Variants in TUSC3 observed in about 807,000 individuals in gnomAD.
The protein encoded by TUSC3 is dolichyl-diphosphooligosaccharide--protein glycosyltransferase subunit TUSC3.
In TUSC3, 45 loss-of-function variants were observed where a neutral mutation model predicts 44.8. That is an observed-to-expected ratio of 1.00 (90% CI 0.79 to 1.29). The LOEUF (loss-of-function observed/expected upper bound fraction) is 1.29. Among genes scored for constraint, TUSC3 ranks in the 50% most tolerant of loss-of-function variants. The pLI is 0.00. For missense variants in TUSC3, 519 were observed against 437.9 expected (o/e 1.19, Z -1.65); for synonymous variants, 212 against 152.9 (o/e 1.39, Z -2.85).
chr8:15,598,868 G>A (rs1804170593), intron 1 of TUSC3, among the ~76,000 whole-genome samples: 1 of 151,750 alleles, frequency 6.6e-6, no homozygotes, highest in Admixed American at 6.6e-5. Context: ...TTGCTTCTGA[G>A]TTTTGGTAAT....
At chr8:15,431,236 C>A (rs988773017) in intron 1 of TUSC3, among the ~76,000 whole-genome samples, 1 of 151,410 alleles carries the variant, frequency 6.6e-6, no homozygotes, top group Non-Finnish European at 1.5e-5. Context: ...TTTTTTAAGT[C>A]ATTAGAATTT....
In TUSC3 at chr8:15,757,984, G is replaced by A. The variant is rs1812002863; in HGVS notation, c.*46+129G>A. ...CAAATGTAAGATAACTTTTAACTGT[G>A]AGATTCCATATTCCAGTCTTACATT... On this transcript the variant is annotated intron_variant, in intron 10 of 10. Coordinates refer to ENST00000503731, the MANE Select transcript of TUSC3 (RefSeq NM_006765.4). The A allele has an allele frequency of 8.1e-6, 12 of 1,478,896 alleles. 1 individual carries two copies. In the South Asian group the frequency reaches 1.7e-4, roughly 21 times the overall value. The allele number at this position is 1,478,896 out of a possible 1,614,324, so 91.6% of individuals were successfully genotyped here.
chr8:15,645,748 C>A (rs973755288), intron 2 of TUSC3, among the ~76,000 whole-genome samples: 2 of 152,088 alleles, frequency 1.3e-5, no homozygotes, highest in African/African-American at 4.8e-5. Context: ...GTCATGAACA[C>A]TATTCCTTTG....
intron 1 of TUSC3, among the ~76,000 whole-genome samples, chr8:15,562,828 C>T (rs1563291114): frequency 6.6e-6 from 1 of 152,112 alleles, no homozygotes. Flanking sequence ...TTTTGTGACA[C>T]TTCTTTTAAA....
intron 5 of TUSC3, among the ~76,000 whole-genome samples, chr8:15,667,652 C>A (rs922004348): frequency 1.5e-4 from 22 of 151,694 alleles, no homozygotes; most frequent in African/African-American, 5.3e-4. Flanking sequence ...AAGATACCTT[C>A]AAATTAACTC....
intron 1 of TUSC3, among the ~76,000 whole-genome samples, chr8:15,429,486 G>GT (rs1799845751): frequency 6.6e-6 from 1 of 151,248 alleles, no homozygotes; most frequent in African/African-American, 2.5e-5. Flanking sequence ...CTTCAAAGTA[G>GT]TTTTTTCCAA....
At chr8:15,509,951 C>A in intron 2 of TUSC3, among the ~76,000 whole-genome samples, 1 of 152,146 alleles carries the variant, frequency 6.6e-6, no homozygotes, top group Non-Finnish European at 1.5e-5. Context: ...AGGAGTATTG[C>A]TTGGGGCCAA....
At chr8:15,648,570 CA>C (rs1231485318) in intron 2 of TUSC3, among the ~76,000 whole-genome samples, 2 of 150,972 alleles carry the variant, frequency 1.3e-5, no homozygotes, top group African/African-American at 2.4e-5. Context: ...ACTAAAAATA[CA>C]AAAAATTATC....
chr8:15,804,419 CTG>C, the TUSC3 span, among the ~76,000 whole-genome samples: 1 of 152,120 alleles, frequency 6.6e-6, no homozygotes, highest in South Asian at 2.1e-4. Flanking sequence ...GATGTCCTGA[CTG>C]GTGTTTTTTA....
chr8:15,539,328 A>G (rs1345504058), upstream of TUSC3, among the ~76,000 whole-genome samples: 1 of 144,518 alleles, frequency 6.9e-6, no homozygotes, highest in Non-Finnish European at 1.5e-5. Flanking sequence ...TTCAACATAC[A>G]GTCTGCTGCT....
the TUSC3 span, among the ~76,000 whole-genome samples, chr8:15,847,959 C>G: frequency 6.6e-6 from 1 of 152,170 alleles, no homozygotes; most frequent in Non-Finnish European, 1.5e-5. Context: ...ATATTAATTG[C>G]TGCATATAAA....
intron 1 of TUSC3, among the ~76,000 whole-genome samples, chr8:15,593,972 C>G (rs1356961716): frequency 6.6e-6 from 1 of 152,156 alleles, no homozygotes; most frequent in South Asian, 2.1e-4. Context: ...CCCTGTCACT[C>G]TTTCTGCATA....
At chr8:15,530,923 G>A (rs1348524894) in intron 2 of TUSC3, among the ~76,000 whole-genome samples, 1 of 152,138 alleles carries the variant, frequency 6.6e-6, no homozygotes, top group African/African-American at 2.4e-5. Context: ...AATCTTCTTG[G>A]CATGTGATGA....
intron 1 of TUSC3, among the ~76,000 whole-genome samples, chr8:15,462,561 G>T (rs1243900271): frequency 6.6e-6 from 1 of 151,958 alleles, no homozygotes; most frequent in African/African-American, 2.4e-5. Flanking sequence ...TTCAGAATTT[G>T]GGAAGCTTTC....
chr8:15,528,494 A>T (rs147775251), intron 2 of TUSC3, among the ~76,000 whole-genome samples: 4 of 152,352 alleles, frequency 2.6e-5, no homozygotes, highest in Non-Finnish European at 5.9e-5. Context: ...AACCATGAGA[A>T]CCACAACTTC....
intron 1 of TUSC3, among the ~76,000 whole-genome samples, chr8:15,575,173 T>A (rs913426804): frequency 9.9e-5 from 15 of 152,056 alleles, no homozygotes; most frequent in Non-Finnish European, 1.5e-5. Context: ...TTTTTTTGCA[T>A]ATAAACCTAT....
intron 6 of TUSC3, among the ~76,000 whole-genome samples, chr8:15,709,531 C>G (rs1467953700): frequency 1.3e-5 from 2 of 151,758 alleles, no homozygotes; most frequent in Non-Finnish European, 2.9e-5. Flanking sequence ...GAATTTAGCT[C>G]CAGATGAAGC....
At chr8:15,527,256 A>T (rs1354090961) in intron 2 of TUSC3, among the ~76,000 whole-genome samples, 2 of 152,142 alleles carry the variant, frequency 1.3e-5, no homozygotes, top group African/African-American at 4.8e-5. Flanking sequence ...TCACTCTGTC[A>T]CCCAGGCTGG....
the TUSC3 span, among the ~76,000 whole-genome samples, chr8:15,845,867 C>T: frequency 6.6e-6 from 1 of 152,060 alleles, no homozygotes; most frequent in Admixed American, 6.6e-5. Context: ...TTATGCTGCT[C>T]ATGAAGACAT....
Sources: gnomAD v4.1 joint callset for allele counts (sites outside exome capture counted in the v4.1 genomes callset) on GRCh38, gnomAD v4.1.1 for gene constraint, MANE v1.5 for transcripts, NCBI Gene and HGNC (gene_info 2026-07-23, HGNC 2026-07-21) for gene names.